UBXN7: variants seen among roughly 807,000 people sequenced by gnomAD.
UBXN7 encodes the protein UBX domain protein 7.
Under a neutral mutation model 58.0 loss-of-function variants are expected in UBXN7, and 9 were observed. That is an observed-to-expected ratio of 0.16 (90% CI 0.09 to 0.27). The LOEUF is 0.27. Ranked by LOEUF, UBXN7 falls within the 10% of genes least tolerant of loss-of-function variation. The pLI, the probability that UBXN7 is intolerant of heterozygous loss-of-function variation, is 1.00. For missense variants in UBXN7, 328 were observed against 599.6 expected, an observed-to-expected ratio of 0.55 and a Z score of 4.73; for synonymous variants, 208 against 205.0, an observed-to-expected ratio of 1.01 and a Z score of -0.12.
intron 5 of UBXN7, among the ~76,000 whole-genome samples, chr3:196,377,478 G>C (rs1425378625): frequency 6.6e-6 from 1 of 152,022 alleles, no homozygotes; most frequent in East Asian, 1.9e-4. Flanking sequence ...ATAAACATAT[G>C]TGGAACCTAC....
intron 1 of UBXN7, among the ~76,000 whole-genome samples, chr3:196,411,668 G>T (rs746343121): frequency 6.6e-6 from 1 of 152,054 alleles, no homozygotes; most frequent in South Asian, 2.1e-4. Flanking sequence ...AAAATTAGCC[G>T]GACGTGGTGG....
chr3:196,379,605 G>A (rs1190457609), intron 5 of UBXN7, among the ~76,000 whole-genome samples: 1 of 152,166 alleles, frequency 6.6e-6, no homozygotes, highest in African/African-American at 2.4e-5. Context: ...TAGATCTCTT[G>A]CATTCAGAGT....
At chr3:196,401,608 G>A (rs1326864620) in intron 3 of UBXN7, among the ~76,000 whole-genome samples, 1 of 149,802 alleles carries the variant, frequency 6.7e-6, no homozygotes, top group African/African-American at 2.4e-5. Context: ...CCAGGGCCTG[G>A]TTGAGGGTGG....
At chr3:196,411,511 C>T (rs571630970) in intron 1 of UBXN7, among the ~76,000 whole-genome samples, 2 of 152,236 alleles carry the variant, frequency 1.3e-5, no homozygotes, top group South Asian at 2.1e-4. Flanking sequence ...AAATAACAGG[C>T]TTCAAAAAAC....
At chr3:196,420,409 T>G (rs977567363) in intron 1 of UBXN7, among the ~76,000 whole-genome samples, 34 of 151,610 alleles carry the variant, frequency 2.2e-4, no homozygotes, top group African/African-American at 8.3e-4. Flanking sequence ...TGCGTGCCTG[T>G]AACCCCAGCT....
intron 2 of UBXN7, 109 bp downstream of exon 2, chr3:196,407,137 T>TA: frequency 6.9e-7 from 1 of 1,451,658 alleles, no homozygotes; most frequent in Non-Finnish European, 9.2e-7. Context: ...TCAGAGGCTT[T>TA]CAGCCTTTCA....
chr3:196,356,478 T>A lies in UBXN7; in HGVS notation c.*207A>T. 1 of 491,318 alleles carries A rather than the reference T, an allele frequency of 2.0e-6. No individual in the cohort carries two copies. The highest frequency in any genetic ancestry group is 3.5e-6 in the Non-Finnish European group (1 of 287,834). The allele number at this position is 491,318 out of a possible 1,614,324, so 30.4% of individuals were successfully genotyped here. A position where few individuals can be genotyped will look rare whatever the true frequency, so the allele number is the denominator to read the frequency against. ...GAGGGGGAGGCAGAAGGGTACGGAG[T>A]GGGGAGCGAGAAAACAGAAGAGGAG... On this transcript the variant is annotated 3_prime_UTR_variant, in exon 11 of 11. Transcript: ENST00000296328.
intron 5 of UBXN7, among the ~76,000 whole-genome samples, chr3:196,377,236 C>T (rs1389828914): frequency 6.6e-6 from 1 of 152,054 alleles, no homozygotes; most frequent in African/African-American, 2.4e-5. Flanking sequence ...AAGAGGAAAA[C>T]GTAGGAAACA....
At chr3:196,365,857 C>CTAGGCCCATGTA (rs1337556313) in intron 8 of UBXN7, among the ~76,000 whole-genome samples, 1 of 152,088 alleles carries the variant, frequency 6.6e-6, no homozygotes, top group Non-Finnish European at 1.5e-5. Flanking sequence ...AAAAAAAACT[C>CTAGGCCCATGTA]TAGGCCCATG....
At chr3:196,390,820 T>C (rs1004841136) in intron 5 of UBXN7, among the ~76,000 whole-genome samples, 3 of 151,896 alleles carry the variant, frequency 2.0e-5, no homozygotes, top group African/African-American at 7.2e-5. Context: ...AACATGTTAA[T>C]CAACACGAAA....
chr3:196,363,221 T>C (rs1174927421), intron 8 of UBXN7, among the ~76,000 whole-genome samples: 4 of 113,952 alleles, frequency 3.5e-5, no homozygotes, highest in South Asian at 6.4e-4. Flanking sequence ...CATACATACA[T>C]ACATACATAC....
At chr3:196,432,212 G>T in intron 1 of UBXN7, 115 bp downstream of exon 1, 1 of 1,418,190 alleles carries the variant, frequency 7.1e-7, no homozygotes, top group Non-Finnish European at 9.8e-7. Flanking sequence ...GAGGGAGGAC[G>T]GCAGCTGTGG....
chr3:196,416,534 T>C (rs2108621405), intron 1 of UBXN7, among the ~76,000 whole-genome samples: 1 of 152,254 alleles, frequency 6.6e-6, no homozygotes, highest in South Asian at 2.1e-4. Context: ...AGAACTCCAA[T>C]GCCACTGCCA....
At chr3:196,377,543 G>A (rs1040080847) in intron 5 of UBXN7, among the ~76,000 whole-genome samples, 4 of 152,088 alleles carry the variant, frequency 2.6e-5, no homozygotes, top group African/African-American at 4.8e-5. Flanking sequence ...TTGGCAACAC[G>A]GACACATCTA....
In UBXN7 at chr3:196,402,942, G is replaced by C; in HGVS notation, c.289+10C>G. On this transcript the variant is annotated intron_variant, in intron 3 of 10. Transcript: ENST00000296328. ...AATCAAATAAGGCTAAGGGAAAAAA[G>C]TGAACTTACCACCAAATAATGGTTC... The C allele has an allele frequency of 6.3e-7, 1 of 1,590,252 alleles. No individual in the cohort carries two copies. Among genetic ancestry groups the C allele is most frequent in the Non-Finnish European group, 8.5e-7 (1 of 1,174,886 alleles).
At chr3:196,418,030 G>A (rs1730559855) in intron 1 of UBXN7, among the ~76,000 whole-genome samples, 1 of 151,984 alleles carries the variant, frequency 6.6e-6, no homozygotes, top group Admixed American at 6.6e-5. Context: ...CTTGAAGTCA[G>A]GAATTCAAGA....
intron 8 of UBXN7, among the ~76,000 whole-genome samples, chr3:196,365,961 C>G (rs1728652762): frequency 6.6e-6 from 1 of 152,110 alleles, no homozygotes; most frequent in Non-Finnish European, 1.5e-5. Context: ...AGAAATACTT[C>G]TCAATTCATT....
chr3:196,414,285 G>A (rs1386337368), intron 1 of UBXN7, among the ~76,000 whole-genome samples: 3 of 152,056 alleles, frequency 2.0e-5, no homozygotes, highest in Non-Finnish European at 4.4e-5. Flanking sequence ...CACTGCACCC[G>A]GCCTTTTCCC....
At chr3:196,428,451 TAAA>T (rs58227025) in intron 1 of UBXN7, among the ~76,000 whole-genome samples, 3 of 146,114 alleles carry the variant, frequency 2.1e-5, no homozygotes, top group Non-Finnish European at 3.0e-5. Flanking sequence ...AGACCGTCTT[TAAA>T]AAAAAAAAAA....
Sources: gnomAD v4.1 joint callset for allele counts (sites outside exome capture counted in the v4.1 genomes callset) on GRCh38, gnomAD v4.1.1 for gene constraint, MANE v1.5 for transcripts, NCBI Gene and HGNC (gene_info 2026-07-23, HGNC 2026-07-21) for gene names.